Variants in XPO4 observed in about 807,000 individuals in gnomAD.
XPO4 encodes exportin-4.
Under a neutral mutation model 143.0 loss-of-function variants are expected in XPO4, and 39 were observed. The observed-to-expected ratio is 0.27, with a 90% CI of 0.21 to 0.36. The LOEUF (loss-of-function observed/expected upper bound fraction) is 0.36. Among genes scored for constraint, XPO4 ranks in the 10% least tolerant of loss-of-function variants. The pLI, the probability that XPO4 is intolerant of heterozygous loss-of-function variation, is 1.00. For missense variants in XPO4, 907 were observed against 1,348.0 expected (o/e 0.67, Z 5.12); for synonymous variants, 439 against 474.0 (o/e 0.93, Z 0.96).
At chr13:20,812,159 T>A (rs941715019) in intron 9 of XPO4, among the ~76,000 whole-genome samples, 2 of 151,944 alleles carry the variant, frequency 1.3e-5, no homozygotes, top group Non-Finnish European at 2.9e-5. Flanking sequence ...TCACCTGAGG[T>A]CAGGGGTTCA....
rs1341005637 is a variant in XPO4, at chr13:20,777,417, T to C, written c.*6305A>G. 1.3e-5 allele frequency: 2 copies of C among 152,214 alleles called. No individual in the cohort carries two copies. Among genetic ancestry groups the C allele is most frequent in the African/African-American group, 4.8e-5 (2 of 41,454 alleles). 9.4% of individuals were successfully genotyped at this position (152,214 alleles called of 1,614,324 possible). On this transcript the variant is annotated 3_prime_UTR_variant, in exon 23 of 23. Transcript: ENST00000255305. ...ATTTTTTCTTTGGGAGGAACACTTA[T>C]AAACTCATGATATGGATAACAGACC...
At chr13:20,786,282 G>A (rs990303131) in intron 22 of XPO4, among the ~76,000 whole-genome samples, 4 of 90,044 alleles carry the variant, frequency 4.4e-5, no homozygotes. Context: ...CATGCTGGGA[G>A]GTATATATAT....
intron 1 of XPO4, among the ~76,000 whole-genome samples, chr13:20,885,113 G>A (rs2060449352): frequency 6.6e-6 from 1 of 152,058 alleles, no homozygotes; most frequent in Non-Finnish European, 1.5e-5. Flanking sequence ...CCACCACGCT[G>A]GCTAATTTTG....
At chr13:20,849,769 T>A in intron 4 of XPO4, 1 of 985,362 alleles carries the variant, frequency 1.0e-6, no homozygotes. Context: ...CTGAAAGCCT[T>A]TAAAGAAAGC....
At chr13:20,871,320 T>C (rs1487794219) in intron 1 of XPO4, among the ~76,000 whole-genome samples, 1 of 152,056 alleles carries the variant, frequency 6.6e-6, no homozygotes, top group Non-Finnish European at 1.5e-5. Context: ...GTGCCCAGTC[T>C]TTTTTGTTTT....
At chr13:20,899,160 G>T (rs1478457346) in intron 1 of XPO4, among the ~76,000 whole-genome samples, 1 of 152,106 alleles carries the variant, frequency 6.6e-6, no homozygotes, top group African/African-American at 2.4e-5. Flanking sequence ...ATGGGTGGAG[G>T]CGGTTCCTGG....
chr13:20,786,753 A>T (rs916781386), intron 22 of XPO4, among the ~76,000 whole-genome samples: 5 of 152,216 alleles, frequency 3.3e-5, no homozygotes, highest in African/African-American at 4.8e-5. Context: ...GACAAAAAAT[A>T]AATGCTTTGA....
intron 19 of XPO4, among the ~76,000 whole-genome samples, chr13:20,789,719 A>G (rs1196606867): frequency 1.3e-5 from 2 of 151,874 alleles, no homozygotes; most frequent in African/African-American, 4.8e-5. Context: ...AGCCTCTACT[A>G]TCTTACTTCC....
chr13:20,787,099 C>G, intron 21 of XPO4, 42 bp from the exon 22 acceptor site: 1 of 1,484,584 alleles, frequency 6.7e-7, no homozygotes, highest in Non-Finnish European at 9.2e-7. Context: ...ATAGGATGAT[C>G]ATATATCCTC....
At chr13:20,880,095 T>C (rs1662467010) in intron 1 of XPO4, among the ~76,000 whole-genome samples, 1 of 152,158 alleles carries the variant, frequency 6.6e-6, no homozygotes, top group African/African-American at 2.4e-5. Context: ...GGAACCTTTG[T>C]ACACTGCTGG....
intron 6 of XPO4, among the ~76,000 whole-genome samples, chr13:20,836,324 C>A (rs2059916195): frequency 7.4e-6 from 1 of 135,698 alleles, no homozygotes; most frequent in African/African-American, 2.7e-5. Flanking sequence ...CTACATCTTA[C>A]CTATCGGTAA....
intron 9 of XPO4, among the ~76,000 whole-genome samples, chr13:20,820,723 C>A (rs764653909): frequency 2.0e-5 from 3 of 152,162 alleles, no homozygotes; most frequent in Non-Finnish European, 4.4e-5. Flanking sequence ...TGACCTGGTT[C>A]CTTTCCTCAT....
intron 1 of XPO4, chr13:20,902,327 C>G: frequency 1.0e-6 from 1 of 985,444 alleles, no homozygotes; most frequent in Non-Finnish European, 1.2e-6. Flanking sequence ...TACCGAAGCC[C>G]TGCGGGGATA....
chr13:20,902,143 C>A, intron 1 of XPO4: 1 of 985,414 alleles, frequency 1.0e-6, no homozygotes, highest in Non-Finnish European at 1.2e-6. Flanking sequence ...GCCGGCCCGG[C>A]CCTTCCACGT....
chr13:20,823,328 G>A (rs1002763592), intron 7 of XPO4, among the ~76,000 whole-genome samples: 2 of 151,932 alleles, frequency 1.3e-5, no homozygotes, highest in African/African-American at 4.8e-5. Context: ...TGGTATGCTG[G>A]GCCACAATGA....
At chr13:20,821,570 C>T (rs2137957078) in intron 9 of XPO4, 134 bp downstream of exon 9, 1 of 978,764 alleles carries the variant, frequency 1.0e-6, no homozygotes, top group Non-Finnish European at 1.4e-6. Flanking sequence ...ATAATTTGCA[C>T]ATCTAAACAA....
chr13:20,858,631 G>C (rs1292188896), intron 3 of XPO4, among the ~76,000 whole-genome samples: 1 of 152,072 alleles, frequency 6.6e-6, no homozygotes, highest in Non-Finnish European at 1.5e-5. Context: ...TAGCACTTAG[G>C]GAGGTCAAGG....
Position 20,878,393 on chromosome 13 carries a change from T to G in XPO4, c.70-9692A>C, listed in dbSNP as rs61376651. ...CATACATACAAAGGCCACAAAGATG[T>G]TCCTACAACATTATAATAGAAAAAA... is the stretch of plus-strand genomic sequence containing the variant. On this transcript the variant is annotated intron_variant, in intron 1 of 22. Transcript: ENST00000255305. Among the ~76,000 whole-genome samples, 1,379 of 152,030 alleles carry G rather than the reference T, an allele frequency of 9.1e-3. 24 individuals carry two copies. The highest frequency in any genetic ancestry group is 0.032 in the African/African-American group (1,324 of 41,380).
At chr13:20,887,154 A>C (rs947388968) in intron 1 of XPO4, among the ~76,000 whole-genome samples, 1 of 152,250 alleles carries the variant, frequency 6.6e-6, no homozygotes, top group Non-Finnish European at 1.5e-5. Flanking sequence ...AGATTTCTTC[A>C]AGAGACTACA....
Sources: allele counts gnomAD v4.1 joint callset (sites outside exome capture counted in the v4.1 genomes callset), GRCh38; gene constraint gnomAD v4.1.1; transcripts MANE v1.5; gene names NCBI Gene and HGNC (gene_info 2026-07-23, HGNC 2026-07-21).